Variants in TSEN2 observed in about 807,000 individuals in gnomAD.
The protein encoded by TSEN2 is tRNA-splicing endonuclease subunit Sen2.
A neutral mutation model predicts 59.2 loss-of-function variants in TSEN2; 54 were observed. The observed-to-expected ratio is 0.91, with a 90% CI of 0.73 to 1.14. The LOEUF (loss-of-function observed/expected upper bound fraction) is 1.14, where lower values mean the gene tolerates loss of function less well. Among genes scored for constraint, TSEN2 ranks in the 50% most tolerant of loss-of-function variants. The probability of loss-of-function intolerance (pLI) is 0.00; values close to 1 mark genes in which losing one functional copy is unlikely to be tolerated. For synonymous variants in TSEN2, 195 were observed against 198.2 expected (o/e 0.98, Z 0.14); for missense variants, 636 against 576.2 (o/e 1.10, Z -1.06).
At chr3:12,507,219 A>G (rs1159146429) in intron 6 of TSEN2, among the ~76,000 whole-genome samples, 4 of 152,138 alleles carry the variant, frequency 2.6e-5, no homozygotes, top group Non-Finnish European at 5.9e-5. Flanking sequence ...AGAATAAACA[A>G]TTCAAAATTC....
chr3:12,492,097 C>G (rs746823603), intron 2 of TSEN2, 39 bp from the exon 3 acceptor site: 39 of 1,566,692 alleles, frequency 2.5e-5, no homozygotes, highest in Non-Finnish European at 3.4e-5. Flanking sequence ...AAACTGGTAA[C>G]TAAGCATGAA....
intron 6 of TSEN2, among the ~76,000 whole-genome samples, 149 bp from the exon 7 acceptor site, chr3:12,516,442 ATATATGTGTGTGTGTGTGTG>A (rs1470670376): frequency 1.0e-4 from 9 of 89,176 alleles, no homozygotes; most frequent in Middle Eastern, 6.0e-3. Context: ...AACAAACAAA[ATATATGTGTGTGTGTGTGTG>A]TGTGTGTGTG....
At chr3:12,482,731 G>C (rs1174026314), upstream of TSEN2, among the ~76,000 whole-genome samples, 1 of 152,098 alleles carries the variant, frequency 6.6e-6, no homozygotes, top group Non-Finnish European at 1.5e-5. Context: ...CACTGGAACT[G>C]TTTTCTTATC....
At chr3:12,516,485 T>G in intron 6 of TSEN2, 126 bp from the exon 7 acceptor site, 1 of 669,486 alleles carries the variant, frequency 1.5e-6, no homozygotes, top group Non-Finnish European at 2.7e-6. Flanking sequence ...TGTGTGTGTG[T>G]GTGACCTTTT....
rs145142315 is a variant in TSEN2 at position 12,519,111 on chromosome 3, C to T, written c.1013C>T (p.Thr338Met). The change falls in exon 8 of 12, where the codon ACG becomes ATG. Residue 338 changes from threonine (T) to methionine (M), a missense_variant. Physicochemically the swap from Thr to Met is moderately conservative, Grantham distance 81. Coordinates refer to ENST00000284995, the MANE Select transcript of TSEN2 (RefSeq NM_025265.4). ...AAAGCTTTCACTGTAGTTCAGCCCA[C>T]GTTCAGAACCACCTACATGGCCTAC... is the stretch of plus-strand genomic sequence containing the variant. ...LWKAFTVVQP[T>M]FRTTYMAYHY... 3.7e-6 allele frequency: 6 copies of T among 1,614,072 alleles called. No homozygotes were observed. The highest frequency in any genetic ancestry group is 1.3e-5 in the African/African-American group (1 of 74,922).
At chr3:12,485,306 T>C (rs752202011) in intron 1 of TSEN2, among the ~76,000 whole-genome samples, 22 of 152,204 alleles carry the variant, frequency 1.4e-4, no homozygotes, top group Non-Finnish European at 1.5e-4. Flanking sequence ...AATAGACATT[T>C]ACCATCACCT....
At chr3:12,506,774 G>A (rs553382393) in intron 6 of TSEN2, 1 of 985,200 alleles carries the variant, frequency 1.0e-6, no homozygotes, top group Non-Finnish European at 1.2e-6. Context: ...TCTTCTCCAG[G>A]AGCTCTGTGA....
At chr3:12,529,945 G>A (rs758632256) in intron 10 of TSEN2, 72 bp downstream of exon 10, 3 of 1,567,462 alleles carry the variant, frequency 1.9e-6, no homozygotes, top group African/African-American at 1.4e-5. Context: ...CTTAAATGTA[G>A]TAGAATCAAA....
intron 6 of TSEN2, among the ~76,000 whole-genome samples, chr3:12,516,289 G>T (rs1282445751): frequency 6.6e-5 from 10 of 152,152 alleles, no homozygotes; most frequent in Non-Finnish European, 7.4e-5. Flanking sequence ...AGCCGGGCGT[G>T]GCGGCGGGCG....
At chr3:12,499,770 C>G (rs1041910285) in intron 4 of TSEN2, among the ~76,000 whole-genome samples, 3 of 152,208 alleles carry the variant, frequency 2.0e-5, no homozygotes, top group Admixed American at 2.0e-4. Context: ...CCTCACATCA[C>G]TGCCATGAGG....
At chr3:12,537,163 C>G (rs1210973881), downstream of TSEN2, among the ~76,000 whole-genome samples, 1 of 152,050 alleles carries the variant, frequency 6.6e-6, no homozygotes, top group African/African-American at 2.4e-5. Flanking sequence ...AGAATCCCAG[C>G]ACTTTGGGAG....
intron 11 of TSEN2, 133 bp downstream of exon 11, chr3:12,531,792 A>C: frequency 1.4e-6 from 1 of 696,042 alleles, no homozygotes; most frequent in African/African-American, 1.8e-5. Context: ...GCAGGCTCTT[A>C]AGTCTCTCAC....
chr3:12,522,401 A>C (rs905021127), intron 8 of TSEN2, among the ~76,000 whole-genome samples: 4 of 151,930 alleles, frequency 2.6e-5, no homozygotes, highest in Non-Finnish European at 4.4e-5. Context: ...TTAATGTGGG[A>C]CCAGGTCTCT....
At chr3:12,502,803 G>T (rs1177092097) in intron 4 of TSEN2, among the ~76,000 whole-genome samples, 1 of 151,828 alleles carries the variant, frequency 6.6e-6, no homozygotes, top group African/African-American at 2.4e-5. Context: ...GCCACACGCG[G>T]TGGCTCACAC....
intron 6 of TSEN2, among the ~76,000 whole-genome samples, chr3:12,507,103 G>A (rs1298685327): frequency 6.6e-6 from 1 of 152,212 alleles, no homozygotes; most frequent in Non-Finnish European, 1.5e-5. Context: ...TGAGGCAGGA[G>A]AATCACTTGA....
intron 11 of TSEN2, among the ~76,000 whole-genome samples, chr3:12,531,956 C>T (rs2057486711): frequency 6.6e-6 from 1 of 152,212 alleles, no homozygotes; most frequent in African/African-American, 2.4e-5. Context: ...GGACTTCTCA[C>T]AGGTCTCATT....
intron 6 of TSEN2, among the ~76,000 whole-genome samples, chr3:12,512,935 A>G (rs943948229): frequency 7.2e-5 from 11 of 152,252 alleles, no homozygotes; most frequent in African/African-American, 2.7e-4. Flanking sequence ...GTTAAAAACT[A>G]TCATTAAACT....
chr3:12,528,433 G>C (rs909504356), intron 8 of TSEN2, among the ~76,000 whole-genome samples: 1 of 152,222 alleles, frequency 6.6e-6, no homozygotes, highest in Non-Finnish European at 1.5e-5. Flanking sequence ...AAAAATAGAT[G>C]ATGGTGGCTG....
At chr3:12,518,449 C>T (rs939912150) in intron 7 of TSEN2, among the ~76,000 whole-genome samples, 3 of 152,104 alleles carry the variant, frequency 2.0e-5, no homozygotes, top group African/African-American at 7.2e-5. Context: ...TCCTTCCCAG[C>T]CCACCACCAC....
Sources: allele counts gnomAD v4.1 joint callset (sites outside exome capture counted in the v4.1 genomes callset), GRCh38; gene constraint gnomAD v4.1.1; transcripts MANE v1.5; gene names NCBI Gene and HGNC (gene_info 2026-07-23, HGNC 2026-07-21).